Variants in SOX5 observed in about 807,000 individuals in gnomAD.
The protein encoded by SOX5 is SRY-box transcription factor 5, also known as transcription factor SOX-5.
SOX5 carries 9 observed loss-of-function variants against 92.0 expected under a neutral mutation model. The ratio of observed to expected loss-of-function variants is 0.10; its 90% CI spans 0.06 to 0.17. The LOEUF (loss-of-function observed/expected upper bound fraction) is 0.17, where lower values mean the gene tolerates loss of function less well. SOX5 is among the 10% of genes least tolerant of loss of function. SOX5 has a pLI of 1.00. For synonymous variants in SOX5, 344 were observed against 336.3 expected (o/e 1.02, Z -0.25); for missense variants, 642 against 944.5 (o/e 0.68, Z 4.20).
At chr12:23,787,807 G>A (rs1380636455) in intron 3 of SOX5, among the ~76,000 whole-genome samples, 2 of 151,662 alleles carry the variant, frequency 1.3e-5, no homozygotes, top group African/African-American at 2.4e-5. Flanking sequence ...AGTAAAATAA[G>A]GGTTATAAAA....
intron 11 of SOX5, among the ~76,000 whole-genome samples, chr12:23,556,360 A>C (rs1310460419): frequency 6.6e-6 from 1 of 152,180 alleles, no homozygotes; most frequent in Non-Finnish European, 1.5e-5. Context: ...TGTATCTTTT[A>C]ATTAAAGTCA....
intron 4 of SOX5, among the ~76,000 whole-genome samples, chr12:24,061,753 A>AC (rs1245299605): frequency 1.7e-5 from 2 of 121,108 alleles, no homozygotes; most frequent in Admixed American, 8.7e-5. Context: ...AGAAAAAAAA[A>AC]AAAAAAAAAA....
At chr12:24,176,436 G>T (rs1385084309) in intron 4 of SOX5, among the ~76,000 whole-genome samples, 1 of 152,148 alleles carries the variant, frequency 6.6e-6, no homozygotes, top group Non-Finnish European at 1.5e-5. Context: ...TTTCAAAGAT[G>T]AGTAGAGAAA....
At position 24,147,774 on chromosome 12, in the gene SOX5, T is replaced by C. The variant is rs538655525; in HGVS notation, c.-2+65569A>G. On this transcript the variant is annotated intron_variant, in intron 4 of 4. Coordinates refer to the SOX5 transcript ENST00000446891. ...ATATTCTATATATCAACAAGGAAAA[T>C]TCAGAAATTAAAATTTAAAATACAT... 1.7e-4 allele frequency among the ~76,000 whole-genome samples: 26 copies of C among 152,172 alleles called. No homozygotes were observed. The East Asian group carries it at 4.4e-3, about 26-fold the overall frequency.
intron 1 of SOX5, among the ~76,000 whole-genome samples, chr12:23,916,722 T>C (rs1182348433): frequency 6.6e-6 from 1 of 152,322 alleles, no homozygotes; most frequent in African/African-American, 2.4e-5. Context: ...GCCTTTCCGG[T>C]TCTTAGAAAC....
rs75674741 is a variant in SOX5, at chr12:23,878,627, G to C, written c.270+17166C>G. On this transcript the variant is annotated intron_variant, in intron 2 of 14. Transcript: ENST00000451604. ...GTCTTTTTAAATAAGTATGAAACTA[G>C]AACAAATCCATAAAATATTAATCTT... 7.5e-4 allele frequency among the ~76,000 whole-genome samples: 114 copies of C among 151,998 alleles called. 2 individuals carry two copies. The East Asian group carries it at 0.021, about 29-fold the overall frequency.
At chr12:23,699,910 G>A (rs985848725) in intron 6 of SOX5, among the ~76,000 whole-genome samples, 6 of 152,094 alleles carry the variant, frequency 3.9e-5, no homozygotes, top group Admixed American at 1.3e-4. Context: ...ACTTTACAGG[G>A]TCCCTCTAGA....
intron 1 of SOX5, among the ~76,000 whole-genome samples, chr12:24,408,328 A>G (rs1441823675): frequency 1.3e-5 from 2 of 152,214 alleles, no homozygotes; most frequent in African/African-American, 4.8e-5. Flanking sequence ...AAACATTTTA[A>G]TTTAAAATAA....
At chr12:24,312,859 C>T (rs975558246) in intron 2 of SOX5, among the ~76,000 whole-genome samples, 5 of 152,166 alleles carry the variant, frequency 3.3e-5, no homozygotes, top group African/African-American at 1.2e-4. Context: ...ACTGCTTGCA[C>T]GCTTATTGTA....
At chr12:24,173,595 G>C (rs549089233) in intron 4 of SOX5, among the ~76,000 whole-genome samples, 1 of 152,136 alleles carries the variant, frequency 6.6e-6, no homozygotes, top group South Asian at 2.1e-4. Flanking sequence ...ACATGGTGAG[G>C]TTAAGAGCTA....
chr12:24,218,337 A>G (rs1446646169), intron 3 of SOX5, among the ~76,000 whole-genome samples: 1 of 152,210 alleles, frequency 6.6e-6, no homozygotes, highest in Admixed American at 6.5e-5. Context: ...GCACAGATGA[A>G]TCTTAAAAAC....
chr12:24,480,156 G>A (rs1479913277), intron 1 of SOX5, among the ~76,000 whole-genome samples: 1 of 151,922 alleles, frequency 6.6e-6, no homozygotes, highest in Non-Finnish European at 1.5e-5. Flanking sequence ...AACATACACT[G>A]GAAAAAAAGA....
intron 6 of SOX5, among the ~76,000 whole-genome samples, chr12:23,722,117 C>T (rs904386831): frequency 6.6e-5 from 10 of 152,156 alleles, no homozygotes; most frequent in African/African-American, 2.2e-4. Flanking sequence ...ACGTTCTATA[C>T]ACATAAGCCT....
chr12:23,929,123 A>C (rs1256927774), intron 1 of SOX5, among the ~76,000 whole-genome samples: 1 of 151,974 alleles, frequency 6.6e-6, no homozygotes. Context: ...AAAGTGGAAC[A>C]ATCAGAAGAG....
intron 6 of SOX5, among the ~76,000 whole-genome samples, chr12:23,692,929 C>T (rs558707952): frequency 1.7e-3 from 257 of 152,226 alleles, no homozygotes; most frequent in Middle Eastern, 0.01. Context: ...CTATTTATCC[C>T]TAGTAATGCA....
chr12:24,508,846 A>C (rs1422645044), intron 1 of SOX5, among the ~76,000 whole-genome samples: 1 of 152,132 alleles, frequency 6.6e-6, no homozygotes, highest in Non-Finnish European at 1.5e-5. Flanking sequence ...GAAGGAAATA[A>C]ATAATAAAGC....
chr12:23,660,824 G>C (rs537814893), intron 7 of SOX5, among the ~76,000 whole-genome samples: 1 of 152,060 alleles, frequency 6.6e-6, no homozygotes, highest in Non-Finnish European at 1.5e-5. Flanking sequence ...AAAAACAAAG[G>C]AAATATCCAA....
chr12:24,342,348 C>CT (rs1447217810), intron 2 of SOX5, among the ~76,000 whole-genome samples: 1 of 152,148 alleles, frequency 6.6e-6, no homozygotes, highest in Non-Finnish European at 1.5e-5. Context: ...CAATCTAGAC[C>CT]TTTTTTTCTG....
At chr12:24,243,694 C>A (rs947042148) in intron 3 of SOX5, among the ~76,000 whole-genome samples, 1 of 151,998 alleles carries the variant, frequency 6.6e-6, no homozygotes, top group African/African-American at 2.4e-5. Flanking sequence ...ACAGGATTTT[C>A]ATTCATTAAG....
Sources: allele counts gnomAD v4.1 joint callset (sites outside exome capture counted in the v4.1 genomes callset), GRCh38; gene constraint gnomAD v4.1.1; transcripts MANE v1.5; gene names NCBI Gene and HGNC (gene_info 2026-07-23, HGNC 2026-07-21).